The following RPSA2 variants were observed in gnomAD, a reference collection of about 807,000 sequenced individuals.
The protein encoded by RPSA2 is small ribosomal subunit protein uS2B.
At chr19:23,862,621 T>G in the RPSA2 span, among the ~76,000 whole-genome samples, 100 of 152,328 alleles carry the variant, frequency 6.6e-4, no homozygotes, top group African/African-American at 2.1e-3. Context: ...CTTTTCTGCA[T>G]CTATTGAGAT....
chr19:23,764,784 C>T, the RPSA2 span, among the ~76,000 whole-genome samples: 4 of 151,816 alleles, frequency 2.6e-5, no homozygotes, highest in African/African-American at 4.8e-5. Flanking sequence ...GAAAATAATC[C>T]TCTGGAACTC....
At chr19:23,829,968 A>G in the RPSA2 span, among the ~76,000 whole-genome samples, 2 of 152,112 alleles carry the variant, frequency 1.3e-5, no homozygotes, top group East Asian at 1.9e-4. Context: ...TATTTTCAGT[A>G]AAAGGAACTG....
the RPSA2 span, among the ~76,000 whole-genome samples, chr19:23,852,202 G>A: frequency 5.9e-5 from 9 of 152,148 alleles, no homozygotes; most frequent in Admixed American, 5.2e-4. Context: ...CTGGGACTGT[G>A]GAGATGGGAA....
the RPSA2 span, chr19:23,758,962 C>T: frequency 1.8e-5 from 11 of 621,330 alleles, no homozygotes; most frequent in Admixed American, 3.0e-5. Flanking sequence ...GTTCCCAGCC[C>T]AGCGTCCCTG....
chr19:23,858,156 T>C, the RPSA2 span, among the ~76,000 whole-genome samples: 2 of 151,314 alleles, frequency 1.3e-5, no homozygotes, highest in East Asian at 2.0e-4. Flanking sequence ...ATGTTTTCTC[T>C]TAGGTTGATT....
chr19:23,788,006 T>C, the RPSA2 span, among the ~76,000 whole-genome samples: 2 of 152,326 alleles, frequency 1.3e-5, no homozygotes, highest in African/African-American at 4.8e-5. Flanking sequence ...GACAGTGATT[T>C]ATTACTGGGC....
the RPSA2 span, among the ~76,000 whole-genome samples, chr19:23,765,676 G>C: frequency 1.3e-5 from 2 of 152,118 alleles, no homozygotes; most frequent in African/African-American, 4.8e-5. Flanking sequence ...ATGGGTAGTA[G>C]GCTTAATACC....
the RPSA2 span, among the ~76,000 whole-genome samples, chr19:23,856,940 C>T: frequency 1.3e-5 from 2 of 152,136 alleles, no homozygotes; most frequent in East Asian, 3.9e-4. Flanking sequence ...AACATCTTAA[C>T]AGAAAACAAG....
At chr19:23,778,346 G>A in the RPSA2 span, among the ~76,000 whole-genome samples, 2 of 152,152 alleles carry the variant, frequency 1.3e-5, no homozygotes, top group Non-Finnish European at 2.9e-5. Flanking sequence ...CCAAGTAGCT[G>A]GGATTACAGG....
chr19:23,861,870 C>T, the RPSA2 span, among the ~76,000 whole-genome samples: 1 of 152,078 alleles, frequency 6.6e-6, no homozygotes, highest in Non-Finnish European at 1.5e-5. Flanking sequence ...CCTTGATGTG[C>T]CTAATAGGGA....
the RPSA2 span, among the ~76,000 whole-genome samples, chr19:23,851,444 G>T: frequency 6.6e-6 from 1 of 152,118 alleles, no homozygotes; most frequent in Admixed American, 6.5e-5. Flanking sequence ...TGGTAAAGTG[G>T]TATGAGATCT....
chr19:23,789,996 T>C, the RPSA2 span, among the ~76,000 whole-genome samples: 1 of 152,036 alleles, frequency 6.6e-6, no homozygotes, highest in South Asian at 2.1e-4. Flanking sequence ...CTTTTTTGTA[T>C]GTATATATTT....
chr19:23,777,049 GC>G, the RPSA2 span, among the ~76,000 whole-genome samples: 1 of 152,066 alleles, frequency 6.6e-6, no homozygotes, highest in African/African-American at 2.4e-5. Flanking sequence ...TCATGCCTGG[GC>G]CCTGCTTACA....
At chr19:23,831,081 A>G in the RPSA2 span, among the ~76,000 whole-genome samples, 2 of 151,488 alleles carry the variant, frequency 1.3e-5, no homozygotes, top group East Asian at 1.9e-4. Flanking sequence ...TTTCTGTGGT[A>G]CTGCTGTCAG....
the RPSA2 span, among the ~76,000 whole-genome samples, chr19:23,821,821 G>A: frequency 3.3e-5 from 5 of 152,270 alleles, no homozygotes; most frequent in South Asian, 2.1e-4. Flanking sequence ...GAACATTCGC[G>A]TCCCTTTACA....
chr19:23,785,530 T>C, the RPSA2 span, among the ~76,000 whole-genome samples: 5 of 152,156 alleles, frequency 3.3e-5, no homozygotes, highest in African/African-American at 1.2e-4. Flanking sequence ...ATAGAAAGCA[T>C]TGTTACCTAT....
the RPSA2 span, among the ~76,000 whole-genome samples, chr19:23,828,689 A>T: frequency 1.3e-5 from 2 of 151,098 alleles, no homozygotes. Flanking sequence ...TTTCAAGGGA[A>T]ATGTTGTATG....
At chr19:23,773,009 G>T in the RPSA2 span, among the ~76,000 whole-genome samples, 9,494 of 152,124 alleles carry the variant, frequency 0.062, 321 homozygotes, top group African/African-American at 0.07. Context: ...TAGCCGGGTT[G>T]CATTGAGTTG....
chr19:23,858,884 A>G, the RPSA2 span, among the ~76,000 whole-genome samples: 1 of 152,184 alleles, frequency 6.6e-6, no homozygotes, highest in East Asian at 1.9e-4. Flanking sequence ...CCAATCTTTG[A>G]GCCCTATGTA....
Sources: allele counts gnomAD v4.1 joint callset (sites outside exome capture counted in the v4.1 genomes callset), GRCh38; gene constraint gnomAD v4.1.1; transcripts MANE v1.5; gene names NCBI Gene and HGNC (gene_info 2026-07-23, HGNC 2026-07-21).